Variants in CPNE4 observed in about 807,000 individuals in gnomAD.
CPNE4 encodes copine 4.
A neutral mutation model predicts 67.9 loss-of-function variants in CPNE4; 25 were observed. The observed-to-expected ratio is 0.37, with a 90% confidence interval of 0.27 to 0.51. CPNE4 has a LOEUF of 0.51. CPNE4 is among the 20% of genes least tolerant of loss of function. CPNE4 has a pLI of 0.93. For missense variants in CPNE4, 464 were observed against 690.8 expected (o/e 0.67, Z 3.68); for synonymous variants, 242 against 244.9 (o/e 0.99, Z 0.11).
At chr3:131,752,067 C>T (rs555374028) in intron 2 of CPNE4, among the ~76,000 whole-genome samples, 2 of 152,222 alleles carry the variant, frequency 1.3e-5, no homozygotes, top group East Asian at 1.9e-4. Context: ...GGGAAGGATG[C>T]CTTGTTACTA....
chr3:131,748,609 G>A (rs2082549678), intron 2 of CPNE4, among the ~76,000 whole-genome samples: 1 of 151,966 alleles, frequency 6.6e-6, no homozygotes, highest in East Asian at 1.9e-4. Flanking sequence ...TTCCTTAATT[G>A]TTATAGGACT....
chr3:131,951,580 C>A (rs1301338371), intron 1 of CPNE4, among the ~76,000 whole-genome samples: 1 of 141,426 alleles, frequency 7.1e-6, no homozygotes, highest in South Asian at 2.1e-4. Context: ...GTCTCCCTCT[C>A]CCTCTCTTTC....
At chr3:131,609,973 G>A (rs1156485919) in intron 7 of CPNE4, among the ~76,000 whole-genome samples, 1 of 152,106 alleles carries the variant, frequency 6.6e-6, no homozygotes, top group Non-Finnish European at 1.5e-5. Context: ...AGATTTTCAT[G>A]CTCAGAATGA....
chr3:131,693,169 C>T (rs974360971), intron 5 of CPNE4, among the ~76,000 whole-genome samples: 1 of 152,140 alleles, frequency 6.6e-6, no homozygotes, highest in African/African-American at 2.4e-5. Flanking sequence ...TGGTGCATTT[C>T]TCTGTCACTG....
intron 2 of CPNE4, among the ~76,000 whole-genome samples, chr3:131,801,452 G>GTATGTATATATATATATATA (rs2084124830): frequency 1.9e-5 from 1 of 53,384 alleles, no homozygotes; most frequent in Non-Finnish European, 3.4e-5. Context: ...GTGTGTGTGT[G>GTATGTATATATATATATATA]TATATATATA....
chr3:131,540,188 T>C (rs9867458), intron 15 of CPNE4, among the ~76,000 whole-genome samples: 8,321 of 152,300 alleles, frequency 0.055, 284 homozygotes, highest in Non-Finnish European at 0.086. Context: ...AGAAACTCTC[T>C]CTGTGATCAA....
intron 1 of CPNE4, among the ~76,000 whole-genome samples, chr3:132,015,642 A>C (rs1279683319): frequency 6.6e-6 from 1 of 152,224 alleles, no homozygotes; most frequent in Non-Finnish European, 1.5e-5. Flanking sequence ...ATATTTGATA[A>C]AAGGATTGTT....
At chr3:131,866,165 C>G (rs533249413) in intron 2 of CPNE4, among the ~76,000 whole-genome samples, 26 of 152,298 alleles carry the variant, frequency 1.7e-4, no homozygotes, top group African/African-American at 6.3e-4. Context: ...CATCACAGTG[C>G]CCAAAATAAA....
At chr3:131,657,509 C>A (rs536457373) in intron 7 of CPNE4, among the ~76,000 whole-genome samples, 1 of 150,156 alleles carries the variant, frequency 6.7e-6, no homozygotes, top group African/African-American at 2.5e-5. Context: ...TTAATGAGTA[C>A]ATGAAAGCCT....
intron 3 of CPNE4, among the ~76,000 whole-genome samples, chr3:131,717,861 CTTT>C (rs2081743878): frequency 8.8e-4 from 1 of 1,134 alleles, no homozygotes; most frequent in Non-Finnish European, 3.5e-3. Flanking sequence ...TCGCTCCCTC[CTTT>C]CTTTCTTTCT....
At chr3:132,006,639 A>C (rs1280672255) in intron 1 of CPNE4, among the ~76,000 whole-genome samples, 1 of 137,188 alleles carries the variant, frequency 7.3e-6, no homozygotes, top group South Asian at 2.4e-4. Flanking sequence ...TTAACCTGAC[A>C]TAAACCTTTC....
At chr3:131,679,240 T>C (rs78406551) in intron 6 of CPNE4, among the ~76,000 whole-genome samples, 11,335 of 152,274 alleles carry the variant, frequency 0.074, 924 homozygotes, top group East Asian at 0.38. Flanking sequence ...TAACATTCTC[T>C]GATGGTTGTT....
chr3:131,918,594 A>G (rs771490645), intron 1 of CPNE4, among the ~76,000 whole-genome samples: 2 of 152,186 alleles, frequency 1.3e-5, no homozygotes, highest in Non-Finnish European at 2.9e-5. Flanking sequence ...TAAGCAAAAA[A>G]AACCACACGT....
intron 10 of CPNE4, among the ~76,000 whole-genome samples, chr3:131,568,274 G>T (rs957601453): frequency 6.6e-6 from 1 of 152,024 alleles, no homozygotes; most frequent in African/African-American, 2.4e-5. Flanking sequence ...TCTTCAGGGG[G>T]TGGTCTTCCA....
chr3:131,647,489 A>G (rs1006790866), intron 7 of CPNE4, among the ~76,000 whole-genome samples: 5 of 152,178 alleles, frequency 3.3e-5, no homozygotes, highest in African/African-American at 7.2e-5. Context: ...TAATCTTGCC[A>G]TGTCCTTTCT....
At chr3:131,611,950 C>G (rs1582890068) in intron 7 of CPNE4, among the ~76,000 whole-genome samples, 1 of 152,114 alleles carries the variant, frequency 6.6e-6, no homozygotes, top group African/African-American at 2.4e-5. Context: ...CAAGTATGGA[C>G]TGTTTTGCAA....
intron 2 of CPNE4, among the ~76,000 whole-genome samples, chr3:131,735,461 T>TC (rs1342083606): frequency 6.6e-6 from 1 of 152,236 alleles, no homozygotes; most frequent in Non-Finnish European, 1.5e-5. Flanking sequence ...TGAGAACCCT[T>TC]CCCACTGTAC....
chr3:131,893,025 T>C (rs142490238), intron 2 of CPNE4, among the ~76,000 whole-genome samples: 3,675 of 152,098 alleles, frequency 0.024, 161 homozygotes, highest in African/African-American at 0.084. Flanking sequence ...ACTTAAAATG[T>C]ATAGAGTGGC....
chr3:131,812,581 C>G (rs1229162772), intron 2 of CPNE4, among the ~76,000 whole-genome samples: 1 of 152,230 alleles, frequency 6.6e-6, no homozygotes, highest in East Asian at 1.9e-4. Context: ...GGCTAAATAT[C>G]AAATATCACA....
Sources: gnomAD v4.1 joint callset for allele counts (sites outside exome capture counted in the v4.1 genomes callset) on GRCh38, gnomAD v4.1.1 for gene constraint, MANE v1.5 for transcripts, NCBI Gene and HGNC (gene_info 2026-07-23, HGNC 2026-07-21) for gene names.